RPH3A: variants seen among roughly 807,000 people sequenced by gnomAD.
RPH3A encodes rabphilin 3A, also known as rabphilin-3A.
RPH3A carries 48 observed loss-of-function variants against 102.2 expected under a neutral mutation model. The observed-to-expected ratio is 0.47, with a 90% confidence interval of 0.37 to 0.60. The LOEUF is 0.60. Ranked by LOEUF, RPH3A falls within the 20% of genes least tolerant of loss-of-function variation. RPH3A has a pLI of 0.00. For missense variants in RPH3A, 781 were observed against 910.1 expected (o/e 0.86, Z 1.83); for synonymous variants, 310 against 324.3 (o/e 0.96, Z 0.47).
intron 1 of RPH3A, among the ~76,000 whole-genome samples, chr12:112,651,586 T>C (rs926111678): frequency 6.6e-6 from 1 of 152,206 alleles, no homozygotes; most frequent in African/African-American, 2.4e-5. Context: ...TTGTGCTAAA[T>C]ATAAAGAACA....
chr12:112,709,093 A>G (rs148921635), intron 1 of RPH3A, among the ~76,000 whole-genome samples: 1 of 152,120 alleles, frequency 6.6e-6, no homozygotes, highest in Non-Finnish European at 1.5e-5. Context: ...GCTCCCTTTG[A>G]TGGGTGTGTA....
At chr12:112,831,160 TAGTTTGCCGATCCATTAC>T (rs1201607521) in intron 3 of RPH3A, among the ~76,000 whole-genome samples, 1 of 151,236 alleles carries the variant, frequency 6.6e-6, no homozygotes, top group East Asian at 1.9e-4. Context: ...CTGTAGGCTA[TAGTTTGCCGATCCATTAC>T]ATAGTTTAAC....
chr12:112,712,904 CTCTTCT>C (rs1387688395), intron 1 of RPH3A, among the ~76,000 whole-genome samples: 4 of 92,542 alleles, frequency 4.3e-5, no homozygotes, highest in Non-Finnish European at 6.3e-5. Flanking sequence ...CTTCTTCTTC[CTCTTCT>C]TCTTCTTCTT....
intron 1 of RPH3A, among the ~76,000 whole-genome samples, chr12:112,784,619 T>C (rs2041031449): frequency 6.6e-6 from 1 of 152,204 alleles, no homozygotes. Flanking sequence ...GCATCAGATT[T>C]GTTCTGGGCC....
intron 1 of RPH3A, among the ~76,000 whole-genome samples, chr12:112,654,947 A>G (rs1592927887): frequency 6.6e-6 from 1 of 152,156 alleles, no homozygotes; most frequent in African/African-American, 2.4e-5. Flanking sequence ...GTGTTTCCCC[A>G]TTTTGCTGGC....
At chr12:112,786,893 G>A (rs2041055381), upstream of RPH3A, among the ~76,000 whole-genome samples, 1 of 152,100 alleles carries the variant, frequency 6.6e-6, no homozygotes, top group African/African-American at 2.4e-5. Flanking sequence ...CTTTAACCAA[G>A]GTGTCAGCAG....
chr12:112,759,371 T>C (rs1486591237), intron 1 of RPH3A, among the ~76,000 whole-genome samples: 1 of 152,176 alleles, frequency 6.6e-6, no homozygotes, highest in Admixed American at 6.5e-5. Flanking sequence ...TGCATGACAA[T>C]TGCCTCTCTG....
intron 1 of RPH3A, among the ~76,000 whole-genome samples, chr12:112,576,742 TC>T (rs1420922705): frequency 6.6e-6 from 1 of 152,170 alleles, no homozygotes; most frequent in East Asian, 1.9e-4. Flanking sequence ...GGAAGAATTT[TC>T]TTTTGGAAGG....
intron 1 of RPH3A, among the ~76,000 whole-genome samples, chr12:112,581,354 GAAAAACATGGGAAA>G (rs2039399658): frequency 6.6e-6 from 1 of 152,082 alleles, no homozygotes; most frequent in Non-Finnish European, 1.5e-5. Flanking sequence ...ACTATCATGA[GAAAAACATGGGAAA>G]GACCTGCCCC....
At chr12:112,823,676 G>A (rs983479358) in intron 2 of RPH3A, among the ~76,000 whole-genome samples, 1 of 152,156 alleles carries the variant, frequency 6.6e-6, no homozygotes, top group African/African-American at 2.4e-5. Flanking sequence ...TTTGCTTCTT[G>A]TATCCATGGT....
At chr12:112,660,352 A>G (rs1262697007) in intron 1 of RPH3A, among the ~76,000 whole-genome samples, 2 of 151,718 alleles carry the variant, frequency 1.3e-5, no homozygotes, top group African/African-American at 4.8e-5. Context: ...CATTATTCTT[A>G]CTCTAGTTGC....
chr12:112,616,338 G>A (rs1249563459), intron 1 of RPH3A, among the ~76,000 whole-genome samples: 2 of 152,058 alleles, frequency 1.3e-5, no homozygotes, highest in African/African-American at 4.8e-5. Flanking sequence ...GTAGAGACGG[G>A]GTTTTGCCAT....
chr12:112,619,848 T>G (rs2039709751), intron 1 of RPH3A, among the ~76,000 whole-genome samples: 1 of 152,212 alleles, frequency 6.6e-6, no homozygotes, highest in Non-Finnish European at 1.5e-5. Flanking sequence ...TAATATTCTA[T>G]TGGATAAATA....
At chr12:112,650,814 C>T (rs548313153) in intron 1 of RPH3A, 4 of 151,836 alleles carry the variant, frequency 2.6e-5, no homozygotes, top group Non-Finnish European at 4.4e-5. Context: ...CCGCAACCTC[C>T]GCCTCCTGGG....
chr12:112,806,339 A>G (rs116369423), intron 2 of RPH3A, among the ~76,000 whole-genome samples: 5,329 of 152,366 alleles, frequency 0.035, 211 homozygotes, highest in Admixed American at 0.11. Context: ...GAACCTGGAC[A>G]GAAAGTGATT....
At chr12:112,804,234 T>G (rs2041413166) in intron 2 of RPH3A, among the ~76,000 whole-genome samples, 1 of 151,914 alleles carries the variant, frequency 6.6e-6, no homozygotes, top group Admixed American at 6.6e-5. Context: ...ACCATAAAGC[T>G]CCAAAGCATA....
intron 1 of RPH3A, among the ~76,000 whole-genome samples, chr12:112,722,848 C>G (rs1331956734): frequency 6.6e-6 from 1 of 152,160 alleles, no homozygotes; most frequent in Non-Finnish European, 1.5e-5. Context: ...GCCATAGCAG[C>G]CTGGTACTCT....
intron 1 of RPH3A, among the ~76,000 whole-genome samples, chr12:112,605,658 C>A (rs966202992): frequency 1.3e-5 from 2 of 152,204 alleles, no homozygotes; most frequent in African/African-American, 4.8e-5. Context: ...CCTCTCAGCT[C>A]TTTCTATATC....
In RPH3A at chr12:112,879,662, C is replaced by T. The variant is rs562755135; in HGVS notation, c.1251+464C>T. On this transcript the variant is annotated intron_variant, in intron 14 of 21. Coordinates refer to ENST00000389385, the MANE Select transcript of RPH3A (RefSeq NM_001143854.2). ...ACACTAATATGGGCTTCCAAGGGGGCGGGACAGCCTCGCTGCAGGCCCTGG... is the reference window on the plus strand; with the variant it reads ...ACACTAATATGGGCTTCCAAGGGGGTGGGACAGCCTCGCTGCAGGCCCTGG... Among the ~76,000 whole-genome samples the T allele has an allele frequency of 7.0e-4, 106 of 152,266 alleles. 1 individual carries two copies. Among genetic ancestry groups the T allele is most frequent in the African/African-American group, 2.2e-3 (92 of 41,554 alleles).
Sources: gnomAD v4.1 joint callset for allele counts (sites outside exome capture counted in the v4.1 genomes callset) on GRCh38, gnomAD v4.1.1 for gene constraint, MANE v1.5 for transcripts, NCBI Gene and HGNC (gene_info 2026-07-23, HGNC 2026-07-21) for gene names.